Variants in SLC37A3 observed in about 807,000 individuals in gnomAD.
SLC37A3 encodes sugar phosphate exchanger 3.
Under a neutral mutation model 67.1 loss-of-function variants are expected in SLC37A3, and 51 were observed. That is an observed-to-expected ratio of 0.76 (90% CI 0.61 to 0.96). The LOEUF (loss-of-function observed/expected upper bound fraction) is 0.96. SLC37A3 is among the 40% of genes least tolerant of loss of function. The pLI is 0.00. For missense variants in SLC37A3, 508 were observed against 603.0 expected (o/e 0.84, Z 1.65); for synonymous variants, 214 against 231.4 (o/e 0.92, Z 0.68).
chr7:140,374,121 A>G (rs1797929166), intron 3 of SLC37A3, among the ~76,000 whole-genome samples: 1 of 152,214 alleles, frequency 6.6e-6, no homozygotes. Flanking sequence ...AAAGCTAGAA[A>G]ATCCTTGAAC....
chr7:140,369,749 C>A, intron 3 of SLC37A3, 67 bp from the exon 4 acceptor site: 3 of 1,327,840 alleles, frequency 2.3e-6, no homozygotes, highest in Non-Finnish European at 3.2e-6. Flanking sequence ...TTTCCCAAAG[C>A]CCCTTCACAA....
chr7:140,375,174 C>A (rs71552617), intron 3 of SLC37A3, among the ~76,000 whole-genome samples: 55,964 of 141,066 alleles, frequency 0.4, 11,615 homozygotes, highest in Middle Eastern at 0.48. Context: ...CAAAAAACAA[C>A]AAAAAAAAAA....
intron 14 of SLC37A3, among the ~76,000 whole-genome samples, chr7:140,335,782 C>T (rs1313519460): frequency 6.6e-6 from 1 of 152,302 alleles, no homozygotes; most frequent in South Asian, 2.1e-4. Flanking sequence ...AGATGAACAA[C>T]AGTGATCCTT....
At chr7:140,361,273 G>C (rs1179227314) in intron 5 of SLC37A3, among the ~76,000 whole-genome samples, 2 of 151,268 alleles carry the variant, frequency 1.3e-5, no homozygotes, top group African/African-American at 2.4e-5. Flanking sequence ...ACCTGAGGTC[G>C]GGAGTTCGAG....
At chr7:140,389,201 T>G (rs1798628644) in intron 1 of SLC37A3, among the ~76,000 whole-genome samples, 1 of 152,118 alleles carries the variant, frequency 6.6e-6, no homozygotes, top group South Asian at 2.1e-4. Flanking sequence ...GCTACAAGAT[T>G]AGAAATTACA....
chr7:140,370,846 A>C (rs997231280), intron 3 of SLC37A3, among the ~76,000 whole-genome samples: 6 of 152,196 alleles, frequency 3.9e-5, no homozygotes, highest in African/African-American at 1.4e-4. Context: ...TTATAATCCC[A>C]ACTCTAGTCC....
intron 3 of SLC37A3, among the ~76,000 whole-genome samples, chr7:140,378,519 C>T (rs1585348148): frequency 6.6e-6 from 1 of 152,042 alleles, no homozygotes; most frequent in Non-Finnish European, 1.5e-5. Context: ...AGGAGGATCA[C>T]GAGGTCAAGA....
intron 10 of SLC37A3, among the ~76,000 whole-genome samples, chr7:140,347,410 T>G (rs12703767): frequency 0.11 from 17,191 of 152,220 alleles, 1,182 homozygotes; most frequent in East Asian, 0.32. Flanking sequence ...TAGGGGCTAT[T>G]GGACATCTGG....
intron 1 of SLC37A3, among the ~76,000 whole-genome samples, chr7:140,393,060 C>G (rs1798782949): frequency 6.6e-6 from 1 of 152,076 alleles, no homozygotes; most frequent in African/African-American, 2.4e-5. Flanking sequence ...CCACTGTACT[C>G]CAGCCTGGGT....
chr7:140,360,461 C>T (rs529608338), intron 5 of SLC37A3, among the ~76,000 whole-genome samples: 34 of 152,196 alleles, frequency 2.2e-4, no homozygotes, highest in African/African-American at 7.2e-4. Context: ...AGGCTGGGCA[C>T]GGTGGCTCAC....
chr7:140,364,563 G>A (rs1046543664), intron 4 of SLC37A3, 72 bp from the exon 5 acceptor site: 17 of 1,339,630 alleles, frequency 1.3e-5, no homozygotes, highest in Non-Finnish European at 1.7e-5. Flanking sequence ...GCACTGCAAA[G>A]CAAATGAGAC....
At chr7:140,352,018 A>G (rs971734460) in intron 8 of SLC37A3, 44 bp downstream of exon 8, 2 of 1,564,156 alleles carry the variant, frequency 1.3e-6, no homozygotes, top group African/African-American at 2.7e-5. Context: ...CCTTTCGGCC[A>G]TAATAGTAAG....
chr7:140,363,234 G>A (rs370183015), intron 5 of SLC37A3, among the ~76,000 whole-genome samples: 377 of 81,642 alleles, frequency 4.6e-3, no homozygotes, highest in South Asian at 0.013. Context: ...TGACAATGGC[G>A]GTTTTGTGGA....
Position 140,345,329 on chromosome 7 carries a change from C to T in SLC37A3, c.1127-66G>A, listed in dbSNP as rs375610742. On this transcript the variant is annotated intron_variant, in intron 11 of 14. Coordinates refer to ENST00000326232, the MANE Select transcript of SLC37A3 (RefSeq NM_207113.3). The stretch of plus-strand genomic sequence containing the variant: ...GCAGACTCCACGTGCCTCTGCCAAC[C>T]GTACGCGAAGATCTGAATCTCCGTG... 33 of 1,256,686 alleles carry T rather than the reference C, an allele frequency of 2.6e-5. 1 individual carries two copies. The highest frequency in any genetic ancestry group is 2.5e-4 in the South Asian group (21 of 82,506). The allele number at this position is 1,256,686 out of a possible 1,614,324, so 77.8% of individuals were successfully genotyped here. A position where few individuals can be genotyped will look rare whatever the true frequency, so the allele number is the denominator to read the frequency against.
rs1796828090 is a variant in SLC37A3, at chr7:140,352,045, G to A, written c.703+17C>T. ...AATAGTAAGACATTCGGAATAGAAG[G>A]GGCGGCTTCTCCTCACCAATTTCTT... On this transcript the variant is annotated intron_variant, in intron 8 of 14. Coordinates refer to ENST00000326232, the MANE Select transcript of SLC37A3 (RefSeq NM_207113.3). 2 of 1,602,748 alleles carry A rather than the reference G, an allele frequency of 1.2e-6. No individual in the cohort carries two copies. Among genetic ancestry groups the A allele is most frequent in the South Asian group, 2.2e-5 (2 of 89,124 alleles).
At chr7:140,360,265 G>A (rs1333917343) in intron 5 of SLC37A3, among the ~76,000 whole-genome samples, 2 of 152,096 alleles carry the variant, frequency 1.3e-5, no homozygotes, top group African/African-American at 4.8e-5. Context: ...AGGATTGCTC[G>A]AGCTTGGGAG....
intron 4 of SLC37A3, among the ~76,000 whole-genome samples, chr7:140,367,235 G>C (rs1275507767): frequency 6.6e-6 from 1 of 151,948 alleles, no homozygotes; most frequent in East Asian, 1.9e-4. Context: ...ACAGGAGTTT[G>C]AGACCAGCCT....
chr7:140,338,016 G>A (rs1037812029), intron 13 of SLC37A3, among the ~76,000 whole-genome samples: 3 of 151,212 alleles, frequency 2.0e-5, no homozygotes, highest in East Asian at 1.9e-4. Context: ...TCAGCCTCCC[G>A]AGCAGCTGGG....
chr7:140,383,297 A>AT (rs57489121), intron 1 of SLC37A3, among the ~76,000 whole-genome samples: 5,332 of 151,914 alleles, frequency 0.035, 156 homozygotes, highest in South Asian at 0.17. Context: ...GTTGGAGGAG[A>AT]TTTTTAATAT....
Sources: gnomAD v4.1 joint callset for allele counts (sites outside exome capture counted in the v4.1 genomes callset) on GRCh38, gnomAD v4.1.1 for gene constraint, MANE v1.5 for transcripts, NCBI Gene and HGNC (gene_info 2026-07-23, HGNC 2026-07-21) for gene names.